Variants in NARF observed in about 807,000 individuals in gnomAD.
The protein encoded by NARF is iron-only hydrogenase-like protein 2.
NARF carries 41 observed loss-of-function variants against 48.0 expected under a neutral mutation model. The observed-to-expected ratio is 0.85, with a 90% CI of 0.66 to 1.11. The LOEUF is 1.11. Ranked by LOEUF, NARF falls within the 50% of genes least tolerant of loss-of-function variation. NARF has a pLI of 0.00. For missense variants in NARF, 613 were observed against 590.2 expected (o/e 1.04, Z -0.40); for synonymous variants, 215 against 225.5 (o/e 0.95, Z 0.42).
At chr17:82,466,427 G>A (rs149400967) in intron 3 of NARF, among the ~76,000 whole-genome samples, 17 of 152,098 alleles carry the variant, frequency 1.1e-4, no homozygotes, top group African/African-American at 4.1e-4. Flanking sequence ...ATTTTAGTAC[G>A]GTGTGCGATG....
At chr17:82,479,541 G>A (rs2043912453) in intron 6 of NARF, among the ~76,000 whole-genome samples, 1 of 152,164 alleles carries the variant, frequency 6.6e-6, no homozygotes, top group African/African-American at 2.4e-5. Context: ...ACTCCCTGAT[G>A]TCTCCAAGGC....
intron 4 of NARF, among the ~76,000 whole-genome samples, chr17:82,469,713 C>G (rs571082279): frequency 2.0e-5 from 3 of 152,266 alleles, no homozygotes; most frequent in East Asian, 3.9e-4. Flanking sequence ...TCAAGAGATT[C>G]TCCTGCCTCA....
intron 3 of NARF, among the ~76,000 whole-genome samples, chr17:82,465,684 G>A (rs1334341711): frequency 3.9e-5 from 6 of 152,146 alleles, no homozygotes; most frequent in Admixed American, 3.3e-4. Context: ...GCTCCCTGTA[G>A]CCTCCAGAGC....
At chr17:82,464,152 C>T (rs2043504506) in intron 2 of NARF, 135 bp from the exon 3 acceptor site, 2 of 1,198,078 alleles carry the variant, frequency 1.7e-6, no homozygotes, top group Non-Finnish European at 2.3e-6. Flanking sequence ...CTTCCAGCCC[C>T]TTGAGCACCA....
intron 4 of NARF, among the ~76,000 whole-genome samples, chr17:82,470,518 G>A (rs1454952161): frequency 1.3e-5 from 2 of 151,772 alleles, no homozygotes; most frequent in African/African-American, 4.8e-5. Context: ...TTCTTGAGAC[G>A]GAGTCTTGAT....
At position 82,488,653 on chromosome 17, in the gene NARF, A is replaced by G. The variant is rs1265847323; in HGVS notation, c.*496A>G. 8 of 159,506 alleles carry G rather than the reference A, an allele frequency of 5.0e-5. No homozygotes were observed. In the East Asian group the frequency reaches 1.5e-3, roughly 29 times the overall value. 9.9% of individuals were successfully genotyped at this position (159,506 alleles called of 1,614,324 possible). On this transcript the variant is annotated 3_prime_UTR_variant, in exon 11 of 11. Coordinates refer to ENST00000309794, the MANE Select transcript of NARF (RefSeq NM_012336.4). Reference sequence around the variant, plus strand: ...CTCCCAAAGTGCCAGGACTGCAGGCATGAGCCACCGTGCCTGGCAGATTGG... The same window carrying G: ...CTCCCAAAGTGCCAGGACTGCAGGCGTGAGCCACCGTGCCTGGCAGATTGG...
In NARF at chr17:82,458,770, T is replaced by A; in HGVS notation, c.-34T>A. On this transcript the variant is annotated 5_prime_UTR_variant, in exon 1 of 11. Coordinates refer to ENST00000309794, the MANE Select transcript of NARF (RefSeq NM_012336.4). The stretch of plus-strand genomic sequence containing the variant: ...CAGTCTCCCGGTGCTTCCCTGAGGC[T>A]GAGGCGCCCGGCCTCCCGCCCGCCG... 6.8e-7 allele frequency: 1 copy of A among 1,468,726 alleles called. No individual in the cohort carries two copies. Among genetic ancestry groups the A allele is most frequent in the Non-Finnish European group, 9.0e-7 (1 of 1,115,898 alleles). The allele number at this position is 1,468,726 out of a possible 1,614,324, so 91.0% of individuals were successfully genotyped here.
chr17:82,463,780 G>T, intron 2 of NARF: 1 of 155,340 alleles, frequency 6.4e-6, no homozygotes. Flanking sequence ...TAAGCATCTT[G>T]TTACATGTCC....
intron 5 of NARF, 62 bp from the exon 6 acceptor site, chr17:82,478,738 T>G (rs1360261413): frequency 8.7e-6 from 13 of 1,493,184 alleles, no homozygotes; most frequent in African/African-American, 2.8e-5. Flanking sequence ...CATTCCCTGG[T>G]GCGTTACAGG....
chr17:82,458,707 G>A, upstream of NARF: 2 of 1,400,772 alleles, frequency 1.4e-6, no homozygotes, highest in Non-Finnish European at 1.9e-6. Context: ...CGTCGGGGGA[G>A]GACAACAAAG....
chr17:82,470,578 T>G (rs1357999239), intron 4 of NARF, among the ~76,000 whole-genome samples: 1 of 152,050 alleles, frequency 6.6e-6, no homozygotes, highest in African/African-American at 2.4e-5. Context: ...CACTGCAAGC[T>G]CCACCTCCCG....
intron 2 of NARF, among the ~76,000 whole-genome samples, chr17:82,461,372 G>T (rs962440539): frequency 6.6e-6 from 1 of 152,292 alleles, no homozygotes; most frequent in East Asian, 1.9e-4. Context: ...AACACTTTGG[G>T]AGGCCGAGGT....
In NARF at chr17:82,488,374, T is replaced by G; in HGVS notation, c.*217T>G. 5 of 645,512 alleles carry G rather than the reference T, an allele frequency of 7.7e-6. No homozygotes were observed. The highest frequency in any genetic ancestry group is 6.3e-5 in the East Asian group (2 of 31,630). The allele number at this position is 645,512 out of a possible 1,614,324, so 40.0% of individuals were successfully genotyped here. Reference sequence around the variant, plus strand: ...ATAATAGGTGTGGGATTGGAACTTTTTTTTTCTTTTTTTTTTTTTGAGACG... The same window carrying G: ...ATAATAGGTGTGGGATTGGAACTTTGTTTTTCTTTTTTTTTTTTTGAGACG... On this transcript the variant is annotated 3_prime_UTR_variant, in exon 11 of 11. Coordinates refer to ENST00000309794, the MANE Select transcript of NARF (RefSeq NM_012336.4).
intron 3 of NARF, among the ~76,000 whole-genome samples, chr17:82,466,873 C>CT (rs1270959256): frequency 6.6e-6 from 1 of 151,120 alleles, no homozygotes; most frequent in Non-Finnish European, 1.5e-5. Flanking sequence ...CCATTTGTTT[C>CT]TTTTTTTTCG....
chr17:82,488,296 T>TTAAGAAAACCGCTCAATGGATTACTTTG lies in NARF; in HGVS notation c.*139_*140insTAAGAAAACCGCTCAATGGATTACTTTG. 3 of 1,342,924 alleles carry TTAAGAAAACCGCTCAATGGATTACTTTG rather than the reference T, an allele frequency of 2.2e-6. No homozygotes were observed. Among genetic ancestry groups the TTAAGAAAACCGCTCAATGGATTACTTTG allele is most frequent in the Non-Finnish European group, 3.0e-6 (3 of 1,012,342 alleles). 83.2% of individuals were successfully genotyped at this position (1,342,924 alleles called of 1,614,324 possible). ...ATTACTTTGGTTTCTCCGAGTTCCC[T>TTAAGAAAACCGCTCAATGGATTACTTTG]GCTACCCCGTTTATTGGAGGCCCCT... On this transcript the variant is annotated 3_prime_UTR_variant, in exon 11 of 11. Transcript: ENST00000309794.
At chr17:82,478,669 T>G in intron 5 of NARF, 131 bp from the exon 6 acceptor site, 1 of 950,616 alleles carries the variant, frequency 1.1e-6, no homozygotes, top group Non-Finnish European at 1.7e-6. Flanking sequence ...GAGCTCCTGG[T>G]AAGGCCTGGG....
intron 7 of NARF, chr17:82,482,441 T>TTGACAAAATAAAAACATGCG: frequency 1.2e-5 from 2 of 168,578 alleles, no homozygotes; most frequent in Non-Finnish European, 2.6e-5. Context: ...CGGTGGGCTG[T>TTGACAAAATAAAAACATGCG]CAGAAGAACC....
At chr17:82,480,311 A>ACACTCACT in intron 6 of NARF, 2 of 399,056 alleles carry the variant, frequency 5.0e-6, no homozygotes, top group Non-Finnish European at 8.9e-6. Context: ...ACACACACAC[A>ACACTCACT]CTCACTCAGG....
intron 4 of NARF, among the ~76,000 whole-genome samples, chr17:82,470,397 T>G (rs1325668614): frequency 6.6e-6 from 1 of 152,246 alleles, no homozygotes; most frequent in Non-Finnish European, 1.5e-5. Flanking sequence ...TATTTGGGGC[T>G]AGATTCTTAA....
Sources: gnomAD v4.1 joint callset for allele counts (sites outside exome capture counted in the v4.1 genomes callset) on GRCh38, gnomAD v4.1.1 for gene constraint, MANE v1.5 for transcripts, NCBI Gene and HGNC (gene_info 2026-07-23, HGNC 2026-07-21) for gene names.